Variants in PLCB1 observed in about 807,000 individuals in gnomAD.
PLCB1 encodes the protein 1-phosphatidylinositol 4,5-bisphosphate phosphodiesterase beta-1.
A neutral mutation model predicts 161.8 loss-of-function variants in PLCB1; 46 were observed. The observed-to-expected ratio is 0.28, with a 90% CI of 0.22 to 0.36. PLCB1 has a LOEUF of 0.36. Ranked by LOEUF, PLCB1 falls within the 10% of genes least tolerant of loss-of-function variation. PLCB1 has a pLI of 1.00. For missense variants in PLCB1, 1,016 were observed against 1,472.5 expected (o/e 0.69, Z 5.07); for synonymous variants, 517 against 503.7 (o/e 1.03, Z -0.35).
intron 2 of PLCB1, among the ~76,000 whole-genome samples, chr20:8,260,961 A>G (rs1421593452): frequency 6.6e-6 from 1 of 152,092 alleles, no homozygotes; most frequent in African/African-American, 2.4e-5. Context: ...TCAGCGACCG[A>G]AAAATGCAGA....
At chr20:8,187,983 T>G (rs1271309692) in intron 2 of PLCB1, among the ~76,000 whole-genome samples, 2 of 152,134 alleles carry the variant, frequency 1.3e-5, no homozygotes, top group Non-Finnish European at 2.9e-5. Flanking sequence ...CTCTGTGGCA[T>G]GTAACAGTGG....
intron 2 of PLCB1, among the ~76,000 whole-genome samples, chr20:8,229,019 A>T (rs1979858887): frequency 6.6e-6 from 1 of 151,992 alleles, no homozygotes; most frequent in African/African-American, 2.4e-5. Flanking sequence ...TGTGTCCTTT[A>T]ACAAATCCCC....
intron 3 of PLCB1, among the ~76,000 whole-genome samples, chr20:8,399,327 A>G: frequency 6.6e-6 from 1 of 152,126 alleles, no homozygotes; most frequent in Non-Finnish European, 1.5e-5. Context: ...AGTTGTGCCA[A>G]CACCACTTAT....
intron 25 of PLCB1, among the ~76,000 whole-genome samples, chr20:8,761,433 G>A (rs116137642): frequency 1.1e-3 from 170 of 152,296 alleles, no homozygotes; most frequent in African/African-American, 3.4e-3. Context: ...ACTTTGATGC[G>A]TATATTTGCA....
At chr20:8,268,831 C>G (rs1260579702) in intron 2 of PLCB1, among the ~76,000 whole-genome samples, 3 of 143,214 alleles carry the variant, frequency 2.1e-5, no homozygotes, top group East Asian at 2.1e-4. Context: ...GTCATTTTCT[C>G]TATGTATTTT....
Position 8,740,133 on chromosome 20 carries a change from C to T in PLCB1, c.2309-211C>T, listed in dbSNP as rs150888319. Among the ~76,000 whole-genome samples the T allele has an allele frequency of 2.3e-3, 347 of 152,132 alleles. 3 individuals are homozygous for T. In the Middle Eastern group the frequency reaches 0.037, roughly 16 times the overall value. On this transcript the variant is annotated intron_variant, in intron 21 of 31. Coordinates refer to ENST00000338037, the MANE Select transcript of PLCB1 (RefSeq NM_015192.4). The stretch of plus-strand genomic sequence containing the variant: ...ATTATCTTTTGTGGGAAAAATCATA[C>T]GGTTGGAAAGGAAAAAATCACATTG...
chr20:8,186,152 C>T (rs1568583007), intron 2 of PLCB1, among the ~76,000 whole-genome samples: 1 of 152,070 alleles, frequency 6.6e-6, no homozygotes, highest in Non-Finnish European at 1.5e-5. Context: ...GATTTTATCC[C>T]AAAGTTTGGA....
At chr20:8,321,744 C>T (rs898917883) in intron 2 of PLCB1, among the ~76,000 whole-genome samples, 3 of 152,054 alleles carry the variant, frequency 2.0e-5, no homozygotes, top group African/African-American at 7.2e-5. Flanking sequence ...AGTAAAAATC[C>T]CACATTAAAT....
intron 2 of PLCB1, among the ~76,000 whole-genome samples, chr20:8,256,275 G>A (rs1001236058): frequency 2.6e-5 from 4 of 152,146 alleles, no homozygotes; most frequent in African/African-American, 4.8e-5. Context: ...TGAGTTAGCA[G>A]TTTAAGCTGG....
At chr20:8,762,450 C>T (rs1343937382) in intron 25 of PLCB1, among the ~76,000 whole-genome samples, 1 of 152,318 alleles carries the variant, frequency 6.6e-6, no homozygotes, top group African/African-American at 2.4e-5. Flanking sequence ...AACAGCCTCT[C>T]TCATCTACAG....
intron 3 of PLCB1, among the ~76,000 whole-genome samples, chr20:8,549,981 T>C (rs931413236): frequency 2.6e-5 from 4 of 151,814 alleles, no homozygotes; most frequent in African/African-American, 9.7e-5. Flanking sequence ...CCTGAGGCCT[T>C]TGGCTGGATT....
intron 2 of PLCB1, among the ~76,000 whole-genome samples, chr20:8,348,304 T>C (rs1986061666): frequency 6.6e-6 from 1 of 152,208 alleles, no homozygotes; most frequent in Non-Finnish European, 1.5e-5. Flanking sequence ...GTACTTCCTC[T>C]AGATAGAGGG....
intron 3 of PLCB1, among the ~76,000 whole-genome samples, chr20:8,491,365 A>G (rs1306131545): frequency 6.6e-6 from 1 of 152,082 alleles, no homozygotes; most frequent in African/African-American, 2.4e-5. Flanking sequence ...GTTTAAATTT[A>G]TTCTCACCAA....
chr20:8,414,357 A>G (rs949599986), intron 3 of PLCB1, among the ~76,000 whole-genome samples: 35 of 152,046 alleles, frequency 2.3e-4, no homozygotes, highest in African/African-American at 8.4e-4. Context: ...AAAAACAAAA[A>G]ACAAACAAAC....
rs1356919211 is a variant in PLCB1 at position 8,132,318 on chromosome 20, G to GCGGCGGCGGCGGAGGAGCAGAAT, written c.-332_-310dup. 5.0e-6 allele frequency: 1 copy of GCGGCGGCGGCGGAGGAGCAGAAT among 201,818 alleles called. No individual in the cohort carries two copies. Among genetic ancestry groups the GCGGCGGCGGCGGAGGAGCAGAAT allele is most frequent in the African/African-American group, 2.3e-5 (1 of 43,018 alleles). 12.5% of individuals were successfully genotyped at this position (201,818 alleles called of 1,614,324 possible). A position where few individuals can be genotyped will look rare whatever the true frequency, so the allele number is the denominator to read the frequency against. ...GATGTGCTGAATGGTGCGCTTTGAG[G>GCGGCGGCGGCGGAGGAGCAGAAT]CGGCGGCGGCGGAGGAGCAGAATCC... On this transcript the variant is annotated 5_prime_UTR_variant, in exon 1 of 32. It introduces an in-frame stop codon into an upstream open reading frame of the 5' UTR. Transcript: ENST00000338037. This position sits in a 1 kb window ranked among gnomAD's most constrained non-coding sequence, Gnocchi z 5.2.
chr20:8,658,115 C>T (rs114271218), intron 8 of PLCB1, among the ~76,000 whole-genome samples: 2,896 of 152,186 alleles, frequency 0.019, 109 homozygotes, highest in African/African-American at 0.065. Flanking sequence ...CTTTTAAAAA[C>T]ACTCAAACGG....
chr20:8,314,023 G>C (rs1984526127), intron 2 of PLCB1, among the ~76,000 whole-genome samples: 1 of 152,192 alleles, frequency 6.6e-6, no homozygotes, highest in South Asian at 2.1e-4. Context: ...TGTATAGTAA[G>C]AGTTTAATAG....
At chr20:8,606,765 T>G (rs760159320) in intron 3 of PLCB1, among the ~76,000 whole-genome samples, 63 of 152,332 alleles carry the variant, frequency 4.1e-4, no homozygotes, top group Non-Finnish European at 1.2e-4. Flanking sequence ...ATCCTTGTTG[T>G]GATAGATTGA....
chr20:8,708,532 T>A (rs1600266065), intron 11 of PLCB1, 138 bp from the exon 12 acceptor site: 1 of 599,386 alleles, frequency 1.7e-6, no homozygotes, highest in African/African-American at 1.9e-5. Context: ...GCCCTCAAAA[T>A]CCCTTCTAGC....
Sources: gnomAD v4.1 joint callset for allele counts (sites outside exome capture counted in the v4.1 genomes callset) on GRCh38, gnomAD v4.1.1 for gene constraint, Gnocchi (gnomAD v3.1) non-coding constraint, MANE v1.5 for transcripts, NCBI Gene and HGNC (gene_info 2026-07-23, HGNC 2026-07-21) for gene names.